Variants in HECTD4 observed in about 807,000 individuals in gnomAD.
HECTD4 encodes HECT domain E3 ubiquitin protein ligase 4.
HECTD4 carries 114 observed loss-of-function variants against 471.5 expected under a neutral mutation model. The ratio of observed to expected loss-of-function variants is 0.24; its 90% CI spans 0.21 to 0.28. HECTD4 has a LOEUF of 0.28. HECTD4 is among the 10% of genes least tolerant of loss of function. HECTD4 has a pLI of 1.00. For synonymous variants in HECTD4, 2,012 were observed against 2,256.0 expected (o/e 0.89, Z 3.07); for missense variants, 3,866 against 5,651.5 (o/e 0.68, Z 10.13).
In HECTD4 at chr12:112,381,939, C is replaced by A. The variant is rs2036903674; in HGVS notation, c.177+13G>T. ...TCAGTCCGATGGCGGGGGCCGGGGG[C>A]CGCCTCGCTCACCTCCAGGTCGGTG... On this transcript the variant is annotated intron_variant, in intron 1 of 75. Transcript: ENST00000682272. The surrounding 1 kb of genome is among the most constrained non-coding windows in gnomAD (Gnocchi z 4.1). 3 of 1,222,366 alleles carry A rather than the reference C, an allele frequency of 2.5e-6. No homozygotes were observed. In the South Asian group the frequency reaches 1.2e-4, roughly 50 times the overall value. 75.7% of individuals were successfully genotyped at this position (1,222,366 alleles called of 1,614,324 possible).
intron 1 of HECTD4, among the ~76,000 whole-genome samples, chr12:112,369,340 CTTT>C (rs763174549): frequency 4.6e-5 from 6 of 129,198 alleles, no homozygotes; most frequent in Admixed American, 2.4e-4. Context: ...CCTAGGATTT[CTTT>C]TTTTTTTTTT....
chr12:112,186,728 C>T (rs576328149), intron 60 of HECTD4, among the ~76,000 whole-genome samples: 49 of 150,438 alleles, frequency 3.3e-4, no homozygotes, highest in Middle Eastern at 3.5e-3. Context: ...AGTGCAGTGG[C>T]GCGATCTCAG....
chr12:112,236,623 T>A (rs909651245), intron 35 of HECTD4, among the ~76,000 whole-genome samples: 1 of 152,306 alleles, frequency 6.6e-6, no homozygotes, highest in Middle Eastern at 3.4e-3. Context: ...CTCTTTAATC[T>A]TGCTACAATG....
chr12:112,233,530 A>G (rs1428549077), intron 37 of HECTD4, among the ~76,000 whole-genome samples: 1 of 151,902 alleles, frequency 6.6e-6, no homozygotes, highest in Non-Finnish European at 1.5e-5. Flanking sequence ...GACCTCTAAC[A>G]CTAGCTTTTA....
intron 20 of HECTD4, chr12:112,256,796 T>C (rs1030689143): frequency 1.3e-5 from 3 of 231,166 alleles, no homozygotes; most frequent in Non-Finnish European, 2.5e-5. Context: ...CCCTCTTTTT[T>C]TCAAGGGCGA....
Position 112,193,029 on chromosome 12 carries a change from C to T in HECTD4, c.9086+32G>A, listed in dbSNP as rs778741581. Reference sequence around the variant, plus strand: ...AGAATTCATTTAGCTTTCCTCTCCCCATCACCATCTTCTTGAGAACAGGCA... The same window carrying T: ...AGAATTCATTTAGCTTTCCTCTCCCTATCACCATCTTCTTGAGAACAGGCA... On this transcript the variant is annotated intron_variant, in intron 58 of 75. Coordinates refer to ENST00000682272, the MANE Select transcript of HECTD4 (RefSeq NM_001388303.1). The surrounding 1 kb of genome is among the most constrained non-coding windows in gnomAD (Gnocchi z 5.2). 20 of 1,612,584 alleles carry T rather than the reference C, an allele frequency of 1.2e-5. No homozygotes were observed. The highest frequency in any genetic ancestry group is 1.6e-5 in the Non-Finnish European group (19 of 1,179,022).
At chr12:112,347,908 G>C (rs1326194424) in intron 1 of HECTD4, among the ~76,000 whole-genome samples, 9 of 152,170 alleles carry the variant, frequency 5.9e-5, no homozygotes, top group African/African-American at 1.9e-4. Flanking sequence ...ACGTGTAACA[G>C]GACAATATAC....
At chr12:112,248,044 G>A (rs2033800484) in intron 27 of HECTD4, 23 bp downstream of exon 27, 2 of 1,561,528 alleles carry the variant, frequency 1.3e-6, no homozygotes, top group African/African-American at 1.4e-5. Flanking sequence ...ATACCCCAGT[G>A]ACAAATCATA....
At chr12:112,298,032 G>A (rs1042308373) in intron 7 of HECTD4, among the ~76,000 whole-genome samples, 1 of 152,104 alleles carries the variant, frequency 6.6e-6, no homozygotes, top group African/African-American at 2.4e-5. Flanking sequence ...TCAGCAATGT[G>A]GGAGCCACTG....
chr12:112,162,523 C>T lies in HECTD4; in HGVS notation c.13121G>A (p.Gly4374Asp). Residue 4374 changes from glycine (G) to aspartate (D), a missense_variant and splice_region_variant, in exon 76 of 76, where the codon GGT (glycine) becomes GAT (aspartate). Gly to Asp is a moderately conservative substitution (Grantham distance 94). Coordinates refer to ENST00000682272, the MANE Select transcript of HECTD4 (RefSeq NM_001388303.1). The surrounding 1 kb of genome is among the most constrained non-coding windows in gnomAD (Gnocchi z 5.2). ...MKIAPPDGTAGSPDSRYIRVE... is the reference protein window; with the variant it reads ...MKIAPPDGTADSPDSRYIRVE... Reference sequence around the variant, plus strand: ...GCGGATGTAGCGAGAGTCTGGGGAACCTACAAGAAACCGAGCCAGCATCAG... The same window carrying T: ...GCGGATGTAGCGAGAGTCTGGGGAATCTACAAGAAACCGAGCCAGCATCAG... 6.2e-7 allele frequency: 1 copy of T among 1,613,982 alleles called. No individual in the cohort carries two copies. The highest frequency in any genetic ancestry group is 8.5e-7 in the Non-Finnish European group (1 of 1,179,882).
At chr12:112,321,841 A>C (rs112542583) in intron 1 of HECTD4, 11 of 152,260 alleles carry the variant, frequency 7.2e-5, no homozygotes, top group African/African-American at 2.6e-4. Context: ...GATAAGCTGA[A>C]TTAGAAGCTA....
intron 66 of HECTD4, among the ~76,000 whole-genome samples, chr12:112,175,382 G>C (rs2031399666): frequency 6.6e-6 from 1 of 152,192 alleles, no homozygotes; most frequent in South Asian, 2.1e-4. Flanking sequence ...TGGGAGCCAA[G>C]GAGAGCAGCC....
intron 15 of HECTD4, 25 bp from the exon 16 acceptor site, chr12:112,265,320 C>T: frequency 7.7e-6 from 11 of 1,432,624 alleles, no homozygotes; most frequent in Non-Finnish European, 1.1e-5. Context: ...AAAAATGTAA[C>T]AATAAAATAT....
chr12:112,294,595 G>A (rs1371865256), intron 7 of HECTD4, among the ~76,000 whole-genome samples: 1 of 152,078 alleles, frequency 6.6e-6, no homozygotes, highest in Non-Finnish European at 1.5e-5. Flanking sequence ...AACCCCTGGA[G>A]AGAAAGATCT....
At chr12:112,303,589 C>T (rs2035209042) in intron 7 of HECTD4, among the ~76,000 whole-genome samples, 1 of 152,114 alleles carries the variant, frequency 6.6e-6, no homozygotes, top group Non-Finnish European at 1.5e-5. Flanking sequence ...GTGGCTCAGG[C>T]CTGTTATCCT....
chr12:112,168,545 G>A (rs1202144118), intron 70 of HECTD4, among the ~76,000 whole-genome samples: 1 of 152,238 alleles, frequency 6.6e-6, no homozygotes, highest in Non-Finnish European at 1.5e-5. Flanking sequence ...TCTGAGCACA[G>A]CTGTGCCCAC....
rs2034376903 is a variant in HECTD4 at position 112,269,864 on chromosome 12, G to C, written c.2176-15C>G. 20 of 1,610,278 alleles carry C rather than the reference G, an allele frequency of 1.2e-5. No individual in the cohort carries two copies. The highest frequency in any genetic ancestry group is 1.6e-5 in the Non-Finnish European group (19 of 1,177,076). ...TTAAATACCACCTACAGAAACAGAA[G>C]GAGTCTATCTAAAAATGCTAATTCT... On this transcript the variant is annotated splice_polypyrimidine_tract_variant and intron_variant, in intron 12 of 75. Transcript: ENST00000682272.
intron 7 of HECTD4, among the ~76,000 whole-genome samples, chr12:112,283,860 T>C (rs557068572): frequency 6.6e-6 from 1 of 152,336 alleles, no homozygotes; most frequent in Non-Finnish European, 1.5e-5. Context: ...ATCACTTGGT[T>C]ATTCCCCAGA....
In HECTD4 at chr12:112,382,240, G is replaced by T; in HGVS notation, c.-112C>A. 3.2e-6 allele frequency: 3 copies of T among 925,006 alleles called. No individual in the cohort carries two copies. The highest frequency in any genetic ancestry group is 4.2e-6 in the Non-Finnish European group (3 of 717,532). 57.3% of individuals were successfully genotyped at this position (925,006 alleles called of 1,614,324 possible). A position where few individuals can be genotyped will look rare whatever the true frequency, so the allele number is the denominator to read the frequency against. On this transcript the variant is annotated 5_prime_UTR_variant, in exon 1 of 76. Transcript: ENST00000682272. ...AGCGGCCGCCGCGCCCGCCAGCGGC[G>T]CCCCACTTGCTGCCTCGCCCGTGCA...
Sources: gnomAD v4.1 joint callset for allele counts (sites outside exome capture counted in the v4.1 genomes callset) on GRCh38, gnomAD v4.1.1 for gene constraint, Gnocchi (gnomAD v3.1) non-coding constraint, MANE v1.5 for transcripts, NCBI Gene and HGNC (gene_info 2026-07-23, HGNC 2026-07-21) for gene names.